Variants in ARHGEF7 observed in about 807,000 individuals in gnomAD.
ARHGEF7 encodes the protein PAK-interacting exchange factor beta.
A neutral mutation model predicts 109.8 loss-of-function variants in ARHGEF7; 33 were observed. That is an observed-to-expected ratio of 0.30 (90% CI 0.23 to 0.40). The LOEUF (loss-of-function observed/expected upper bound fraction) is 0.40. Among genes scored for constraint, ARHGEF7 ranks in the 10% least tolerant of loss-of-function variants. The pLI is 1.00. For missense variants in ARHGEF7, 938 were observed against 1,098.5 expected (o/e 0.85, Z 2.07); for synonymous variants, 458 against 424.6 (o/e 1.08, Z -0.97).
At position 111,258,006 on chromosome 13, in the gene ARHGEF7, A is replaced by G. The variant is rs1044064246; in HGVS notation, c.951-9542A>G. Among the ~76,000 whole-genome samples, 1 of 152,264 alleles carries G rather than the reference A, an allele frequency of 6.6e-6. No homozygotes were observed. The highest frequency in any genetic ancestry group is 1.5e-5 in the Non-Finnish European group (1 of 68,036). Reference sequence around the variant, plus strand: ...AGAGAGTCTAGGCCACAAGGACTGCACTTCCTGGCTAAGACCTAGTGTTGT... The same window carrying G: ...AGAGAGTCTAGGCCACAAGGACTGCGCTTCCTGGCTAAGACCTAGTGTTGT... On this transcript the variant is annotated intron_variant, in intron 8 of 21. Coordinates refer to ENST00000646102, the MANE Select transcript of ARHGEF7 (RefSeq NM_001354046.2). The surrounding 1 kb of genome is among the most constrained non-coding windows in gnomAD (Gnocchi z 4.4).
chr13:111,282,730 C>T (rs55850030), intron 15 of ARHGEF7: 3,405 of 221,928 alleles, frequency 0.015, 50 homozygotes, highest in Middle Eastern at 0.04. Context: ...AAGAATAATA[C>T]GTGGCTGGGG....
chr13:111,130,968 G>A (rs532805932), intron 1 of ARHGEF7, among the ~76,000 whole-genome samples: 13 of 152,370 alleles, frequency 8.5e-5, no homozygotes, highest in African/African-American at 3.1e-4. Context: ...TGCTGGAACC[G>A]AGGGGACGCG....
chr13:111,161,741 A>G (rs1262633240), intron 2 of ARHGEF7, among the ~76,000 whole-genome samples: 1 of 146,668 alleles, frequency 6.8e-6, no homozygotes, highest in East Asian at 1.9e-4. Flanking sequence ...CTTTTTTGGT[A>G]ATTTTTTTTT....
At chr13:111,251,261 A>T (rs1195045155) in intron 8 of ARHGEF7, among the ~76,000 whole-genome samples, 2 of 152,216 alleles carry the variant, frequency 1.3e-5, no homozygotes, top group African/African-American at 4.8e-5. Flanking sequence ...GGGACAGTTT[A>T]TCTGATATCA....
At chr13:111,196,593 C>A (rs2080527725) in intron 2 of ARHGEF7, among the ~76,000 whole-genome samples, 1 of 152,146 alleles carries the variant, frequency 6.6e-6, no homozygotes, top group Admixed American at 6.5e-5. Context: ...TTCCTCTCCC[C>A]CTACAGCTTG....
intron 2 of ARHGEF7, among the ~76,000 whole-genome samples, chr13:111,156,945 A>T (rs1228205029): frequency 6.6e-6 from 1 of 152,200 alleles, no homozygotes; most frequent in Non-Finnish European, 1.5e-5. Flanking sequence ...TTTTTGGTGT[A>T]TATATTCTTA....
At chr13:111,248,252 G>T (rs989642101) in intron 8 of ARHGEF7, among the ~76,000 whole-genome samples, 1 of 151,894 alleles carries the variant, frequency 6.6e-6, no homozygotes, top group Non-Finnish European at 1.5e-5. Flanking sequence ...TCTGTTGATT[G>T]TATCTGATGA....
intron 2 of ARHGEF7, among the ~76,000 whole-genome samples, chr13:111,200,276 T>G (rs1054148387): frequency 1.3e-5 from 2 of 152,148 alleles, no homozygotes; most frequent in African/African-American, 4.8e-5. Context: ...TGGAACCAAG[T>G]GTGGGAGATG....
At chr13:111,229,514 C>T (rs747549848) in intron 5 of ARHGEF7, among the ~76,000 whole-genome samples, 10 of 152,120 alleles carry the variant, frequency 6.6e-5, no homozygotes, top group Admixed American at 2.0e-4. Flanking sequence ...GTCCTAATTG[C>T]GTATCTCTCC....
chr13:111,213,646 CTGAATGATTTAGAT>C (rs2082764302), intron 4 of ARHGEF7, among the ~76,000 whole-genome samples: 1 of 152,128 alleles, frequency 6.6e-6, no homozygotes, highest in Non-Finnish European at 1.5e-5. Context: ...TTTTTCTCAA[CTGAATGATTTAGAT>C]TCCCTTAGAG....
intron 1 of ARHGEF7, among the ~76,000 whole-genome samples, chr13:111,117,851 C>T (rs959427070): frequency 2.0e-5 from 3 of 152,200 alleles, no homozygotes; most frequent in African/African-American, 7.2e-5. Flanking sequence ...CGTGAGCCAC[C>T]ACGCCCAGCC....
At chr13:111,220,531 A>G (rs1037282705) in intron 5 of ARHGEF7, among the ~76,000 whole-genome samples, 19 of 152,218 alleles carry the variant, frequency 1.2e-4, no homozygotes, top group Middle Eastern at 3.4e-3. Flanking sequence ...GGATCTCAAA[A>G]TCCTCTCCAG....
chr13:111,161,222 T>G (rs2076716824), intron 2 of ARHGEF7, among the ~76,000 whole-genome samples: 1 of 152,190 alleles, frequency 6.6e-6, no homozygotes, highest in South Asian at 2.1e-4. Context: ...TGCTAAATGG[T>G]TAGCTTGGCA....
rs186319555 is a variant in ARHGEF7 at position 111,197,532 on chromosome 13, T to C, written c.253-7757T>C. Among the ~76,000 whole-genome samples, 27 of 152,290 alleles carry C rather than the reference T, an allele frequency of 1.8e-4. No homozygotes were observed. The East Asian group carries it at 5.2e-3, about 29-fold the overall frequency. ...GTATTGGGACTTTACTTGTGTCCTA[T>C]AAAGATGTTATGCCCCCAAAATGAA... On this transcript the variant is annotated intron_variant, in intron 2 of 21. Coordinates refer to ENST00000646102, the MANE Select transcript of ARHGEF7 (RefSeq NM_001354046.2).
intron 2 of ARHGEF7, among the ~76,000 whole-genome samples, chr13:111,197,152 G>A (rs1470035245): frequency 6.6e-6 from 1 of 151,710 alleles, no homozygotes; most frequent in Non-Finnish European, 1.5e-5. Flanking sequence ...GAATAGTTGC[G>A]CTCACCGACG....
intron 2 of ARHGEF7, among the ~76,000 whole-genome samples, chr13:111,162,958 A>G (rs1225277507): frequency 6.6e-6 from 1 of 152,258 alleles, no homozygotes; most frequent in African/African-American, 2.4e-5. Flanking sequence ...AGATTCAGAC[A>G]GATGAGGAGG....
chr13:111,296,504 A>C (rs1257330697), intron 19 of ARHGEF7, among the ~76,000 whole-genome samples: 1 of 152,168 alleles, frequency 6.6e-6, no homozygotes, highest in East Asian at 1.9e-4. Flanking sequence ...GAGTTTGAGA[A>C]GTGCTGGATT....
intron 2 of ARHGEF7, among the ~76,000 whole-genome samples, chr13:111,174,258 C>T (rs1334265220): frequency 6.6e-6 from 1 of 152,202 alleles, no homozygotes; most frequent in Non-Finnish European, 1.5e-5. Flanking sequence ...AGAGCTTATA[C>T]TCTAAGATCA....
chr13:111,193,337 C>T (rs983297849), intron 2 of ARHGEF7, among the ~76,000 whole-genome samples: 8 of 152,200 alleles, frequency 5.3e-5, no homozygotes, highest in African/African-American at 1.9e-4. Context: ...GGAGGTTCCT[C>T]CTGGCAGCAA....
Sources: gnomAD v4.1 joint callset for allele counts (sites outside exome capture counted in the v4.1 genomes callset) on GRCh38, gnomAD v4.1.1 for gene constraint, Gnocchi (gnomAD v3.1) non-coding constraint, MANE v1.5 for transcripts, NCBI Gene and HGNC (gene_info 2026-07-23, HGNC 2026-07-21) for gene names.